LPP: variants seen among roughly 807,000 people sequenced by gnomAD.
The protein encoded by LPP is lipoma-preferred partner.
In LPP, 38 loss-of-function variants were observed where a neutral mutation model predicts 60.4. The observed-to-expected ratio is 0.63, with a 90% CI of 0.49 to 0.83. The LOEUF (loss-of-function observed/expected upper bound fraction) is 0.83. Among genes scored for constraint, LPP ranks in the 40% least tolerant of loss-of-function variants. The pLI is 0.00. For synonymous variants in LPP, 328 were observed against 290.8 expected (o/e 1.13, Z -1.30); for missense variants, 902 against 783.6 (o/e 1.15, Z -1.80).
At chr3:188,686,429 A>G (rs1477262443) in intron 7 of LPP, among the ~76,000 whole-genome samples, 1 of 152,148 alleles carries the variant, frequency 6.6e-6, no homozygotes, top group Non-Finnish European at 1.5e-5. Context: ...TTCTGGGGAG[A>G]AATTTAATGG....
intron 2 of LPP, among the ~76,000 whole-genome samples, chr3:188,293,569 C>A (rs879510108): frequency 1.3e-5 from 2 of 152,134 alleles, no homozygotes; most frequent in Non-Finnish European, 2.9e-5. Context: ...ATATGTCAAA[C>A]TGAGAATTAA....
chr3:188,639,947 G>T (rs1849701742), intron 7 of LPP, among the ~76,000 whole-genome samples: 1 of 152,108 alleles, frequency 6.6e-6, no homozygotes, highest in Non-Finnish European at 1.5e-5. Context: ...AACCATTGTG[G>T]AAGTCAGTGT....
At chr3:188,353,167 C>T (rs1766446568) in intron 3 of LPP, among the ~76,000 whole-genome samples, 2 of 152,124 alleles carry the variant, frequency 1.3e-5, no homozygotes, top group African/African-American at 4.8e-5. Context: ...GTCTCCGCCA[C>T]AAGATTACAG....
intron 3 of LPP, among the ~76,000 whole-genome samples, chr3:188,375,970 G>A (rs1774939346): frequency 6.6e-6 from 1 of 152,230 alleles, no homozygotes; most frequent in African/African-American, 2.4e-5. Flanking sequence ...TTACCCAGTA[G>A]TCATTCAGGA....
At chr3:188,291,026 A>G (rs1441139630) in intron 2 of LPP, among the ~76,000 whole-genome samples, 1 of 152,168 alleles carries the variant, frequency 6.6e-6, no homozygotes, top group Non-Finnish European at 1.5e-5. Context: ...TTGGCATACC[A>G]CTTTTTGAAA....
At chr3:188,308,905 C>G (rs1239985097) in intron 2 of LPP, among the ~76,000 whole-genome samples, 2 of 151,800 alleles carry the variant, frequency 1.3e-5, no homozygotes, top group South Asian at 4.2e-4. Flanking sequence ...TACTCCTTCT[C>G]CTTCTTCTTC....
chr3:188,668,691 G>T (rs1576936538), intron 7 of LPP, among the ~76,000 whole-genome samples: 1 of 152,196 alleles, frequency 6.6e-6, no homozygotes, highest in Non-Finnish European at 1.5e-5. Context: ...AGACGTGCAA[G>T]ATCACTGAGT....
intron 7 of LPP, among the ~76,000 whole-genome samples, chr3:188,691,510 A>T (rs536137983): frequency 3.8e-4 from 58 of 152,324 alleles, no homozygotes; most frequent in African/African-American, 1.3e-3. Context: ...GATGTACATG[A>T]TGATGGTTTG....
chr3:188,787,054 T>C (rs1742150490), intron 9 of LPP, among the ~76,000 whole-genome samples: 1 of 152,130 alleles, frequency 6.6e-6, no homozygotes, highest in African/African-American at 2.4e-5. Flanking sequence ...CATTAATCTA[T>C]ACAGGCAGTG....
intron 7 of LPP, among the ~76,000 whole-genome samples, chr3:188,620,539 C>T (rs1296959635): frequency 6.6e-6 from 1 of 152,066 alleles, no homozygotes; most frequent in Admixed American, 6.6e-5. Context: ...GAATACATCA[C>T]ATTATATTTA....
chr3:188,775,893 A>G (rs1417247705), intron 9 of LPP, among the ~76,000 whole-genome samples: 2 of 152,244 alleles, frequency 1.3e-5, no homozygotes, highest in Non-Finnish European at 2.9e-5. Flanking sequence ...ATAAAGGGGA[A>G]TTTAGGAAAG....
At chr3:188,240,791 C>T (rs1018615430) in intron 2 of LPP, among the ~76,000 whole-genome samples, 2 of 152,110 alleles carry the variant, frequency 1.3e-5, no homozygotes, top group African/African-American at 4.8e-5. Context: ...CAGGGCTGCT[C>T]TGTCCTCGGC....
In LPP at chr3:188,609,817, C is replaced by T. The variant is rs774003479; in HGVS notation, c.1086C>T (p.Ala362=). 3.2e-5 allele frequency: 51 copies of T among 1,612,516 alleles called. No homozygotes were observed. Among genetic ancestry groups the T allele is most frequent in the Admixed American group, 3.3e-5 (2 of 59,910 alleles). The change falls in exon 7 of 12, where the codon GCC becomes GCT. Residue 362 remains alanine, a synonymous_variant. Coordinates refer to ENST00000617246, the MANE Select transcript of LPP (RefSeq NM_001375462.1). The surrounding 1 kb of genome is among the most constrained non-coding windows in gnomAD (Gnocchi z 6.9). ...CCTATATCACAGATCCTGTTTCAGC[C>T]CCCTGTGCGCCACCATTGCAGCCAA... The part of the protein sequence containing the change: ...KKTYITDPVS[A]PCAPPLQPKG...
At chr3:188,371,641 A>ATAT (rs1553878071) in intron 3 of LPP, among the ~76,000 whole-genome samples, 10 of 32,174 alleles carry the variant, frequency 3.1e-4, no homozygotes, top group African/African-American at 7.4e-4. Flanking sequence ...ATATATATAT[A>ATAT]TTTTTTTTTT....
At chr3:188,432,776 C>T (rs1252815873) in intron 4 of LPP, among the ~76,000 whole-genome samples, 2 of 152,072 alleles carry the variant, frequency 1.3e-5, no homozygotes. Context: ...GTTTTGATGG[C>T]ATTAGAACCT....
chr3:188,483,939 A>C lies in LPP; in HGVS notation c.194-653A>C, dbSNP rs113890836. On this transcript the variant is annotated intron_variant, in intron 4 of 11. Coordinates refer to ENST00000617246, the MANE Select transcript of LPP (RefSeq NM_001375462.1). ...ACCCTTTTTTTGATGTGCAACATGT[A>C]AAAACCTTAATTTTATCGCATATCT... 3.4e-3 allele frequency among the ~76,000 whole-genome samples: 516 copies of C among 152,262 alleles called. 1 individual carries two copies. The highest frequency in any genetic ancestry group is 0.012 in the African/African-American group (496 of 41,560).
At chr3:188,386,260 GCGCGCACA>G (rs1166539634) in intron 3 of LPP, among the ~76,000 whole-genome samples, 11,816 of 96,630 alleles carry the variant, frequency 0.12, 600 homozygotes, top group Non-Finnish European at 0.17. Flanking sequence ...GTCATAGCAT[GCGCGCACA>G]CACACACACA....
intron 9 of LPP, among the ~76,000 whole-genome samples, chr3:188,824,305 A>G (rs942943595): frequency 1.3e-5 from 2 of 152,208 alleles, no homozygotes; most frequent in Non-Finnish European, 2.9e-5. Context: ...ATGATGTAGC[A>G]CTGGACTGTG....
intron 7 of LPP, among the ~76,000 whole-genome samples, chr3:188,705,221 G>A (rs76045044): frequency 1.4e-4 from 22 of 152,228 alleles, no homozygotes; most frequent in Non-Finnish European, 2.8e-4. Flanking sequence ...TAACATTTCC[G>A]TACCTGGTCT....
Sources: allele counts gnomAD v4.1 joint callset (sites outside exome capture counted in the v4.1 genomes callset), GRCh38; gene constraint gnomAD v4.1.1; non-coding constraint Gnocchi (gnomAD v3.1); transcripts MANE v1.5; gene names NCBI Gene and HGNC (gene_info 2026-07-23, HGNC 2026-07-21).